Variants in APTX observed in about 807,000 individuals in gnomAD.
APTX encodes forkhead-associated domain histidine triad-like protein.
In APTX, 33 loss-of-function variants were observed where a neutral mutation model predicts 42.3. The observed-to-expected ratio is 0.78, with a 90% CI of 0.59 to 1.04. The LOEUF is 1.04. Among genes scored for constraint, APTX ranks in the 50% least tolerant of loss-of-function variants. The probability of loss-of-function intolerance (pLI) is 0.00; values close to 1 mark genes in which losing one functional copy is unlikely to be tolerated. For synonymous variants in APTX, 130 were observed against 146.7 expected (o/e 0.89, Z 0.82); for missense variants, 421 against 415.1 (o/e 1.01, Z -0.12).
upstream of APTX, among the ~76,000 whole-genome samples, chr9:33,003,410 G>A (rs1587621913): frequency 6.6e-6 from 1 of 152,300 alleles, no homozygotes; most frequent in East Asian, 1.9e-4. Context: ...GCCAGGCACG[G>A]TGGCTCACAC....
rs897953806 is a variant in APTX at position 32,972,988 on chromosome 9, G to A, written c.*510C>T. 2.2e-6 allele frequency: 1 copy of A among 453,964 alleles called. No individual in the cohort carries two copies. Among genetic ancestry groups the A allele is most frequent in the Non-Finnish European group, 4.4e-6 (1 of 226,794 alleles). The allele number at this position is 453,964 out of a possible 1,614,324, so 28.1% of individuals were successfully genotyped here. A position where few individuals can be genotyped will look rare whatever the true frequency, so the allele number is the denominator to read the frequency against. On this transcript the variant is annotated 3_prime_UTR_variant, in exon 8 of 8. Coordinates refer to ENST00000379817, the MANE Select transcript of APTX (RefSeq NM_001195248.2). ...AATCTGGGATAGAAGGGCATGGAAG[G>A]ACTGGACAAACTAAGCCTCCCCATG...
chr9:32,978,642 A>C (rs10813913), intron 6 of APTX, among the ~76,000 whole-genome samples: 18,824 of 152,242 alleles, frequency 0.12, 1,306 homozygotes, highest in East Asian at 0.28. Flanking sequence ...AAATGAAAGA[A>C]ATAAAGCTCA....
At chr9:32,984,590 G>A (rs1191355368) in intron 6 of APTX, 41 bp downstream of exon 6, 3 of 1,589,656 alleles carry the variant, frequency 1.9e-6, no homozygotes, top group Non-Finnish European at 2.6e-6. Flanking sequence ...CTGCCCACCT[G>A]GACAGAACCA....
At chr9:32,995,744 C>T (rs1326536193) in intron 1 of APTX, among the ~76,000 whole-genome samples, 5 of 152,084 alleles carry the variant, frequency 3.3e-5, no homozygotes, top group Middle Eastern at 6.8e-3. Context: ...AAAAATTAGC[C>T]GGGCGTGGTG....
intron 1 of APTX, among the ~76,000 whole-genome samples, chr9:33,009,490 A>G (rs1051294804): frequency 2.0e-5 from 3 of 152,090 alleles, no homozygotes; most frequent in Non-Finnish European, 4.4e-5. Context: ...ATCCAATCAC[A>G]CTGCAACTAG....
upstream of APTX, among the ~76,000 whole-genome samples, chr9:33,006,197 G>A (rs981533761): frequency 8.6e-5 from 13 of 151,864 alleles, no homozygotes; most frequent in Non-Finnish European, 7.4e-5. Context: ...GAGTCAGGAG[G>A]ATTGCTTGAG....
At chr9:33,019,151 C>T (rs1411168663) in intron 1 of APTX, among the ~76,000 whole-genome samples, 1 of 151,906 alleles carries the variant, frequency 6.6e-6, no homozygotes, top group East Asian at 1.9e-4. Context: ...AGACTGAGTG[C>T]GGAATAACAG....
At chr9:33,018,996 G>T (rs1434374596) in intron 1 of APTX, among the ~76,000 whole-genome samples, 1 of 152,196 alleles carries the variant, frequency 6.6e-6, no homozygotes, top group Non-Finnish European at 1.5e-5. Flanking sequence ...GTAATGTGGT[G>T]TCCTTGGTGG....
rs373304582 is a variant in APTX, at chr9:32,986,032, T to TAAA, written c.484-5_484-3dup. On this transcript the variant is annotated splice_polypyrimidine_tract_variant and splice_region_variant and intron_variant, in intron 4 of 7. Coordinates refer to ENST00000379817, the MANE Select transcript of APTX (RefSeq NM_001195248.2). ...TTGACTCCAGTGGCCCAGGGATTCC[T>TAAA]AAAAAAAAAACAAAAAAAAAAACAA... 104 of 733,188 alleles carry TAAA rather than the reference T, an allele frequency of 1.4e-4. 1 individual carries two copies. Among genetic ancestry groups the TAAA allele is most frequent in the African/African-American group, 9.2e-4 (19 of 20,582 alleles). 45.4% of individuals were successfully genotyped at this position (733,188 alleles called of 1,614,324 possible).
intron 6 of APTX, among the ~76,000 whole-genome samples, chr9:32,978,756 G>A (rs752215994): frequency 6.6e-6 from 1 of 152,106 alleles, no homozygotes; most frequent in Non-Finnish European, 1.5e-5. Flanking sequence ...ATCCATGGTG[G>A]GGGACAGGAG....
intron 1 of APTX, among the ~76,000 whole-genome samples, chr9:32,994,868 T>TA (rs1834458146): frequency 2.0e-5 from 3 of 152,214 alleles, no homozygotes; most frequent in Admixed American, 2.0e-4. Flanking sequence ...AACGCTCATT[T>TA]ACCATTTCAG....
chr9:33,024,180 T>C (rs1365165067), intron 1 of APTX, among the ~76,000 whole-genome samples: 2 of 152,260 alleles, frequency 1.3e-5, no homozygotes, highest in Non-Finnish European at 2.9e-5. Context: ...TCTCCAGTTC[T>C]GTTTTTGTTT....
intron 1 of APTX, among the ~76,000 whole-genome samples, chr9:33,012,843 G>T (rs376643130): frequency 6.6e-6 from 1 of 152,192 alleles, no homozygotes; most frequent in East Asian, 1.9e-4. Flanking sequence ...TAGAAAAAGG[G>T]TGGGGGCACT....
upstream of APTX, among the ~76,000 whole-genome samples, chr9:33,003,492 C>T (rs1208051319): frequency 6.6e-6 from 1 of 152,054 alleles, no homozygotes; most frequent in African/African-American, 2.4e-5. Context: ...ACCAGCCTGG[C>T]GTGGCGGAAC....
At chr9:33,024,425 T>C (rs1838676761) in intron 1 of APTX, among the ~76,000 whole-genome samples, 1 of 152,242 alleles carries the variant, frequency 6.6e-6, no homozygotes, top group Non-Finnish European at 1.5e-5. Context: ...TCCGAGGTCT[T>C]ACGTTGCAGA....
upstream of APTX, among the ~76,000 whole-genome samples, chr9:33,005,258 A>T (rs149882039): frequency 6.1e-4 from 93 of 152,212 alleles, no homozygotes; most frequent in Non-Finnish European, 1.1e-3. Flanking sequence ...ATTGTGAAGT[A>T]CTTTAATTTA....
upstream of APTX, among the ~76,000 whole-genome samples, chr9:33,006,288 T>A (rs4879655): frequency 0.041 from 6,168 of 152,152 alleles, 159 homozygotes; most frequent in East Asian, 0.12. Context: ...GAATTTTTTT[T>A]AAAAATCAGG....
chr9:32,991,731 C>A (rs530394126), intron 1 of APTX, among the ~76,000 whole-genome samples: 34 of 150,490 alleles, frequency 2.3e-4, no homozygotes, highest in African/African-American at 7.3e-4. Context: ...GAGCAGAGAT[C>A]GCACCATTGT....
In APTX at chr9:32,973,184, T is replaced by C. The variant is rs1400983385; in HGVS notation, c.*314A>G. ...ATGTATAACCAGCCCAATGCTTCCATACTCTGCATTAGGTCAGTGTGAACA... is the reference window on the plus strand; with the variant it reads ...ATGTATAACCAGCCCAATGCTTCCACACTCTGCATTAGGTCAGTGTGAACA... On this transcript the variant is annotated 3_prime_UTR_variant, in exon 8 of 8. Transcript: ENST00000379817. 1 of 503,252 alleles carries C rather than the reference T, an allele frequency of 2.0e-6. No individual in the cohort carries two copies. Among genetic ancestry groups the C allele is most frequent in the East Asian group, 5.4e-5 (1 of 18,440 alleles). 31.2% of individuals were successfully genotyped at this position (503,252 alleles called of 1,614,324 possible).
Sources: allele counts gnomAD v4.1 joint callset (sites outside exome capture counted in the v4.1 genomes callset), GRCh38; gene constraint gnomAD v4.1.1; transcripts MANE v1.5; gene names NCBI Gene and HGNC (gene_info 2026-07-23, HGNC 2026-07-21).